ZNF251: variants seen among roughly 807,000 people sequenced by gnomAD.
ZNF251 encodes zinc finger protein 251.
A neutral mutation model predicts 13.5 loss-of-function variants in ZNF251; 14 were observed. The observed-to-expected ratio is 1.04, with a 90% confidence interval of 0.69 to 1.63. The LOEUF (loss-of-function observed/expected upper bound fraction) is 1.63. Ranked by LOEUF, ZNF251 falls within the 40% of genes most tolerant of loss-of-function variation. The probability of loss-of-function intolerance (pLI) is 0.00; values close to 1 mark genes in which losing one functional copy is unlikely to be tolerated. For synonymous variants in ZNF251, 287 were observed against 295.2 expected (o/e 0.97, Z 0.28); for missense variants, 764 against 834.9 (o/e 0.92, Z 1.05).
intron 4 of ZNF251, among the ~76,000 whole-genome samples, chr8:144,752,953 G>A (rs374226184): frequency 6.6e-6 from 1 of 151,836 alleles, no homozygotes; most frequent in South Asian, 2.1e-4. Context: ...AGTAGTAGAT[G>A]TATATTCAAT....
chr8:144,729,375 CG>C (rs1274377379), intron 4 of ZNF251, among the ~76,000 whole-genome samples: 2 of 148,132 alleles, frequency 1.4e-5, no homozygotes, highest in East Asian at 4.1e-4. Context: ...CTTGCTCTGT[CG>C]CCCAGGCTGG....
chr8:144,729,107 AAGC>A (rs897225736), intron 4 of ZNF251, among the ~76,000 whole-genome samples: 9 of 151,462 alleles, frequency 5.9e-5, no homozygotes, highest in Non-Finnish European at 1.3e-4. Context: ...AAAAAAAAAA[AAGC>A]AGCAGTATCT....
At chr8:144,723,895 A>AGGCCTGG (rs749868879) in intron 4 of ZNF251, among the ~76,000 whole-genome samples, 14 of 152,200 alleles carry the variant, frequency 9.2e-5, no homozygotes, top group Non-Finnish European at 1.8e-4. Flanking sequence ...ACAGACAGGA[A>AGGCCTGG]GGCCTGGGCC....
rs1431727072 is a variant in ZNF251, at chr8:144,753,765, G to A, written c.195C>T (p.Ser65=). The A allele has an allele frequency of 6.3e-7, 1 of 1,593,736 alleles. No homozygotes were observed. The part of the protein sequence containing the change: ...GFPVPKPELI[S]QLEQGKELWV... ...AAAGTTCCTTCCCCTGCTCCAGCTG[G>A]GAGATCAACTCCGGCTTAGGGACAG... Residue 65 remains serine (S), a synonymous_variant, in exon 4 of 5, where the codon TCC becomes TCT. Coordinates refer to ENST00000292562, the MANE Select transcript of ZNF251 (RefSeq NM_138367.2).
At chr8:144,739,413 C>T (rs1223496983) in intron 4 of ZNF251, among the ~76,000 whole-genome samples, 1 of 152,154 alleles carries the variant, frequency 6.6e-6, no homozygotes, top group Non-Finnish European at 1.5e-5. Flanking sequence ...ACTCCACTCC[C>T]CCGCCTAAAC....
chr8:144,752,372 T>A (rs1479186106), intron 4 of ZNF251, among the ~76,000 whole-genome samples: 1 of 152,148 alleles, frequency 6.6e-6, no homozygotes, highest in Non-Finnish European at 1.5e-5. Flanking sequence ...TGGAATTAAA[T>A]GACAATAACA....
Position 144,753,749 on chromosome 8 carries a change from T to G in ZNF251, c.211A>C (p.Lys71Gln), listed in dbSNP as rs1386035396. The change falls in exon 4 of 5, where the codon AAG becomes CAG. Residue 71 changes from lysine to glutamine, a missense_variant. Coordinates refer to ENST00000292562, the MANE Select transcript of ZNF251 (RefSeq NM_138367.2). ...AGAAGATTCAGGACCCAAAGTTCCTTCCCCTGCTCCAGCTGGGAGATCAAC... is the reference window on the plus strand; with the variant it reads ...AGAAGATTCAGGACCCAAAGTTCCTGCCCCTGCTCCAGCTGGGAGATCAAC... ...PELISQLEQG[K>Q]ELWVLNLLGA... 1 of 1,598,660 alleles carries G rather than the reference T, an allele frequency of 6.3e-7. No homozygotes were observed. Among genetic ancestry groups the G allele is most frequent in the Non-Finnish European group, 8.5e-7 (1 of 1,172,220 alleles).
intron 3 of ZNF251, among the ~76,000 whole-genome samples, 168 bp from the exon 4 acceptor site, chr8:144,753,964 T>A (rs143321208): frequency 6.6e-6 from 1 of 152,252 alleles, no homozygotes; most frequent in Non-Finnish European, 1.5e-5. Context: ...TCAGCTCTCC[T>A]GCCACTGGAG....
In ZNF251 at chr8:144,723,033, A is replaced by G. The variant is rs1202638102; in HGVS notation, c.627T>C (p.Phe209=). The change falls in exon 5 of 5, where the codon TTT becomes TTC. Residue 209 remains phenylalanine (F), a synonymous_variant. Transcript: ENST00000292562. ...AGGTTTTGCTGCATATATCACATTT[A>G]AAGACCCTCTCTCCTGTTTTATTTC... ...LQRNKTGERV[F]KCDICSKTFK... The G allele has an allele frequency of 4.3e-6, 7 of 1,613,892 alleles. No individual in the cohort carries two copies. The highest frequency in any genetic ancestry group is 5.9e-6 in the Non-Finnish European group (7 of 1,179,888).
chr8:144,754,332 A>G lies in ZNF251; in HGVS notation c.34-11T>C. The G allele has an allele frequency of 6.3e-7, 1 of 1,595,624 alleles. No homozygotes were observed. Among genetic ancestry groups the G allele is most frequent in the Non-Finnish European group, 8.5e-7 (1 of 1,171,198 alleles). ...GGTCAGCGGCATCTCCTGCAACAAA[A>G]CATCGCCGCTGCCCAGGCCATGCCC... On this transcript the variant is annotated splice_polypyrimidine_tract_variant and intron_variant, in intron 2 of 4. Transcript: ENST00000292562.
Position 144,755,357 on chromosome 8 carries a change from C to A in ZNF251, c.-76+48G>T, listed in dbSNP as rs768673497. 8.5e-6 allele frequency: 11 copies of A among 1,286,650 alleles called. No individual in the cohort carries two copies. The East Asian group carries it at 6.1e-4, about 72-fold the overall frequency. The allele number at this position is 1,286,650 out of a possible 1,614,324, so 79.7% of individuals were successfully genotyped here. A position where few individuals can be genotyped will look rare whatever the true frequency, so the allele number is the denominator to read the frequency against. ...CCCCGCGCCCTCCCCGCGCCCTCCC[C>A]GCCTGCCTGCCCGCTTGGCGCTCCT... On this transcript the variant is annotated intron_variant, in intron 1 of 4. Coordinates refer to ENST00000292562, the MANE Select transcript of ZNF251 (RefSeq NM_138367.2).
intron 4 of ZNF251, among the ~76,000 whole-genome samples, chr8:144,740,375 G>A (rs1056838743): frequency 6.6e-6 from 1 of 151,952 alleles, no homozygotes; most frequent in African/African-American, 2.4e-5. Context: ...AGTGGCTCAT[G>A]CCCGTAATCC....
At chr8:144,747,565 C>T (rs2953845) in intron 4 of ZNF251, among the ~76,000 whole-genome samples, 85,225 of 152,186 alleles carry the variant, frequency 0.56, 23,891 homozygotes, top group East Asian at 0.67. Flanking sequence ...AGACAGTGAA[C>T]TCATCTATTT....
In ZNF251 at chr8:144,753,671, A is replaced by G. The variant is rs1346149537; in HGVS notation, c.277+12T>C. On this transcript the variant is annotated intron_variant, in intron 4 of 4. Transcript: ENST00000292562. The stretch of plus-strand genomic sequence containing the variant: ...AGGCTGCTCCCAGGATTAGCATCCC[A>G]TCCATTCTCACCTTTCTGGCAGCTT... 1 of 1,557,420 alleles carries G rather than the reference A, an allele frequency of 6.4e-7. No individual in the cohort carries two copies. The highest frequency in any genetic ancestry group is 2.4e-5 in the East Asian group (1 of 42,012).
At chr8:144,753,534 G>A (rs1413537904) in intron 4 of ZNF251, 149 bp downstream of exon 4, 2 of 596,850 alleles carry the variant, frequency 3.4e-6, no homozygotes, top group African/African-American at 1.9e-5. Context: ...ATGTGCACAT[G>A]CTCACATTTG....
At chr8:144,726,598 C>T (rs1329320240) in intron 4 of ZNF251, among the ~76,000 whole-genome samples, 10 of 152,048 alleles carry the variant, frequency 6.6e-5, no homozygotes, top group South Asian at 4.1e-4. Flanking sequence ...AGGTTGGGCG[C>T]GGTGGCTCAC....
chr8:144,746,228 G>C (rs964309400), intron 4 of ZNF251, among the ~76,000 whole-genome samples: 3 of 152,150 alleles, frequency 2.0e-5, no homozygotes, highest in Non-Finnish European at 2.9e-5. Context: ...TGCTTTCTCC[G>C]CATCTACTGA....
At chr8:144,726,251 A>G (rs1823514818) in intron 4 of ZNF251, among the ~76,000 whole-genome samples, 1 of 146,910 alleles carries the variant, frequency 6.8e-6, no homozygotes, top group Admixed American at 6.9e-5. Flanking sequence ...TTAGAAAATC[A>G]GGCTGGGCAC....
Position 144,723,031 on chromosome 8 carries a change from T to G in ZNF251, c.629A>C (p.Lys210Thr). 6.2e-7 allele frequency: 1 copy of G among 1,614,004 alleles called. No individual in the cohort carries two copies. The highest frequency in any genetic ancestry group is 2.2e-5 in the East Asian group (1 of 44,894). ...GAAGGTTTTGCTGCATATATCACAT[T>G]TAAAGACCCTCTCTCCTGTTTTATT... Reference protein sequence around the residue: ...QRNKTGERVFKCDICSKTFKY... With the variant: ...QRNKTGERVFTCDICSKTFKY... Residue 210 changes from lysine (K) to threonine (T), a missense_variant, in exon 5 of 5, where the codon AAA (lysine) becomes ACA (threonine). By Grantham distance (78) the Lys-to-Thr change is moderately conservative (BLOSUM62 -1). Coordinates refer to ENST00000292562, the MANE Select transcript of ZNF251 (RefSeq NM_138367.2).
Sources: allele counts gnomAD v4.1 joint callset (sites outside exome capture counted in the v4.1 genomes callset), GRCh38; gene constraint gnomAD v4.1.1; transcripts MANE v1.5; gene names NCBI Gene and HGNC (gene_info 2026-07-23, HGNC 2026-07-21).